Variants in ARSJ observed in about 807,000 individuals in gnomAD.
The protein encoded by ARSJ is arylsulfatase J.
A neutral mutation model predicts 35.9 loss-of-function variants in ARSJ; 26 were observed. The observed-to-expected ratio is 0.72, with a 90% CI of 0.53 to 1.00. The LOEUF (loss-of-function observed/expected upper bound fraction) is 1.00. Ranked by LOEUF, ARSJ falls within the 50% of genes least tolerant of loss-of-function variation. The pLI is 0.00. For synonymous variants in ARSJ, 294 were observed against 267.6 expected (o/e 1.10, Z -0.96); for missense variants, 667 against 723.6 (o/e 0.92, Z 0.90).
At chr4:113,969,595 G>A (rs1276351740) in intron 1 of ARSJ, among the ~76,000 whole-genome samples, 4 of 152,030 alleles carry the variant, frequency 2.6e-5, no homozygotes, top group Non-Finnish European at 4.4e-5. Context: ...TTTAAGATTG[G>A]TAAGTCAATA....
rs563931949 is a variant in ARSJ at position 113,978,706 on chromosome 4, G to A, written c.129C>T (p.Tyr43=). Residue 43 remains tyrosine, a synonymous_variant, in exon 1 of 2, where the codon TAC becomes TAT. Coordinates refer to ENST00000315366, the MANE Select transcript of ARSJ (RefSeq NM_024590.4). ...CTTCTAAGGCCTGGCCCCAGGACAG[G>A]TAACCATAAGTGAGGAGGCAGAGGA... ...FWILCLLTYG[Y]LSWGQALEEE... 2.5e-6 allele frequency: 4 copies of A among 1,614,230 alleles called. No individual in the cohort carries two copies. The highest frequency in any genetic ancestry group is 2.2e-5 in the South Asian group (2 of 91,088).
At chr4:113,910,823 G>C (rs2099670213) in intron 1 of ARSJ, among the ~76,000 whole-genome samples, 1 of 152,176 alleles carries the variant, frequency 6.6e-6, no homozygotes, top group East Asian at 1.9e-4. Context: ...CTGCTCTCAA[G>C]GAACTCAGTA....
chr4:113,917,229 C>T (rs1723366641), intron 1 of ARSJ, among the ~76,000 whole-genome samples: 1 of 152,022 alleles, frequency 6.6e-6, no homozygotes, highest in African/African-American at 2.4e-5. Context: ...GCCTGTTGCC[C>T]CCTTTCCTGT....
intron 1 of ARSJ, among the ~76,000 whole-genome samples, chr4:113,934,266 T>C (rs140671187): frequency 5.2e-4 from 79 of 151,868 alleles, no homozygotes; most frequent in Non-Finnish European, 2.5e-4. Context: ...GTATACTCAA[T>C]ATATTGAAGA....
intron 1 of ARSJ, among the ~76,000 whole-genome samples, chr4:113,958,583 T>C (rs893349379): frequency 5.9e-5 from 9 of 152,046 alleles, no homozygotes; most frequent in African/African-American, 2.2e-4. Context: ...GATTGGTTAT[T>C]TTTTTCTCTA....
At chr4:113,957,595 T>C (rs1057507962) in intron 1 of ARSJ, among the ~76,000 whole-genome samples, 7 of 152,018 alleles carry the variant, frequency 4.6e-5, no homozygotes, top group Non-Finnish European at 1.0e-4. Context: ...CTCTGAGCTC[T>C]CTCTCTACTG....
intron 1 of ARSJ, among the ~76,000 whole-genome samples, chr4:113,957,377 A>T (rs1178707821): frequency 2.6e-5 from 4 of 152,104 alleles, no homozygotes; most frequent in Admixed American, 2.6e-4. Context: ...AAAAAAATAG[A>T]AAGAAACTCT....
At chr4:113,971,357 A>G (rs1216108832) in intron 1 of ARSJ, among the ~76,000 whole-genome samples, 1 of 152,176 alleles carries the variant, frequency 6.6e-6, no homozygotes, top group African/African-American at 2.4e-5. Context: ...CTGCGCCTGG[A>G]TAATTTCCAC....
chr4:113,935,418 A>G (rs1339904092), intron 1 of ARSJ, among the ~76,000 whole-genome samples: 1 of 151,898 alleles, frequency 6.6e-6, no homozygotes, highest in African/African-American at 2.4e-5. Context: ...AAGATATATA[A>G]AAAGGAGCTA....
chr4:113,914,833 T>A (rs370163110), intron 1 of ARSJ, among the ~76,000 whole-genome samples: 2 of 152,162 alleles, frequency 1.3e-5, no homozygotes, highest in East Asian at 3.8e-4. Flanking sequence ...ATACTATATA[T>A]CCACAGTAGA....
chr4:113,957,615 A>G (rs1382612528), intron 1 of ARSJ, among the ~76,000 whole-genome samples: 2 of 152,088 alleles, frequency 1.3e-5, no homozygotes, highest in African/African-American at 4.8e-5. Flanking sequence ...GTTGAGCACA[A>G]AACCAAAATC....
At chr4:113,959,965 A>C (rs1361606697) in intron 1 of ARSJ, among the ~76,000 whole-genome samples, 1 of 152,008 alleles carries the variant, frequency 6.6e-6, no homozygotes, top group Non-Finnish European at 1.5e-5. Flanking sequence ...TTGGGGTATT[A>C]AGTAATGTAC....
intron 1 of ARSJ, among the ~76,000 whole-genome samples, chr4:113,923,043 T>G (rs1396751599): frequency 1.1e-4 from 16 of 152,184 alleles, no homozygotes; most frequent in Admixed American, 1.0e-3. Context: ...TGATGTCTCC[T>G]GAAGATGGAA....
Position 113,900,652 on chromosome 4 carries a change from A to G in ARSJ, c.*1622T>C, listed in dbSNP as rs762083972. ...GATCACAGTTATAACTTCAAAGATC[A>G]TAATTCTAGCTATCTGTGACTTTTC... On this transcript the variant is annotated 3_prime_UTR_variant, in exon 2 of 2. Transcript: ENST00000315366. 1 of 152,194 alleles carries G rather than the reference A, an allele frequency of 6.6e-6. No individual in the cohort carries two copies. Among genetic ancestry groups the G allele is most frequent in the Non-Finnish European group, 1.5e-5 (1 of 68,030 alleles). The allele number at this position is 152,194 out of a possible 1,614,324, so 9.4% of individuals were successfully genotyped here.
intron 1 of ARSJ, among the ~76,000 whole-genome samples, chr4:113,924,310 T>C (rs1723916258): frequency 6.6e-6 from 1 of 151,544 alleles, no homozygotes; most frequent in African/African-American, 2.4e-5. Context: ...TCTCTCCTTC[T>C]CATGTTTTTC....
intron 1 of ARSJ, among the ~76,000 whole-genome samples, chr4:113,970,013 T>C (rs774840215): frequency 1.3e-5 from 2 of 152,208 alleles, no homozygotes; most frequent in Non-Finnish European, 2.9e-5. Flanking sequence ...ATCGTTGAGA[T>C]AAATCATTTC....
At chr4:113,919,167 TAGA>T (rs1201020757) in intron 1 of ARSJ, among the ~76,000 whole-genome samples, 5 of 152,164 alleles carry the variant, frequency 3.3e-5, no homozygotes, top group Non-Finnish European at 7.3e-5. Context: ...AGTCCTAGAC[TAGA>T]AGAAGAGATT....
At chr4:113,911,707 A>G (rs1271626413) in intron 1 of ARSJ, among the ~76,000 whole-genome samples, 1 of 152,132 alleles carries the variant, frequency 6.6e-6, no homozygotes, top group Admixed American at 6.6e-5. Flanking sequence ...AAATAGGAAG[A>G]CAATGATTCC....
In ARSJ at chr4:113,978,812, C is replaced by T. The variant is rs368259884; in HGVS notation, c.23G>A (p.Gly8Glu). The T allele has an allele frequency of 3.3e-5, 53 of 1,609,196 alleles. No homozygotes were observed. In the South Asian group the frequency reaches 3.9e-4, roughly 12 times the overall value. Reference protein sequence around the residue: MAPRGCAGHPPPPSPQAC... With the variant: MAPRGCAEHPPPPSPQAC... ...CTGTGGAGAAGGCGGAGGCGGATGCCCCGCACAGCCCCTGGGAGCCATTCA... is the reference window on the plus strand; with the variant it reads ...CTGTGGAGAAGGCGGAGGCGGATGCTCCGCACAGCCCCTGGGAGCCATTCA... The change falls in exon 1 of 2, where the codon GGG (glycine) becomes GAG (glutamate). Residue 8 changes from glycine (G) to glutamate (E), a missense_variant. Gly to Glu is a moderately conservative substitution (Grantham distance 98, BLOSUM62 -2). Transcript: ENST00000315366.
Sources: gnomAD v4.1 joint callset for allele counts (sites outside exome capture counted in the v4.1 genomes callset) on GRCh38, gnomAD v4.1.1 for gene constraint, MANE v1.5 for transcripts, NCBI Gene and HGNC (gene_info 2026-07-23, HGNC 2026-07-21) for gene names.